SV2B: variants seen among roughly 807,000 people sequenced by gnomAD.
SV2B encodes solute carrier family 22 member B2.
Under a neutral mutation model 73.9 loss-of-function variants are expected in SV2B, and 41 were observed. That is an observed-to-expected ratio of 0.56 (90% CI 0.43 to 0.72). The LOEUF (loss-of-function observed/expected upper bound fraction) is 0.72. Ranked by LOEUF, SV2B falls within the 30% of genes least tolerant of loss-of-function variation. SV2B has a pLI of 0.00. For missense variants in SV2B, 764 were observed against 857.8 expected (o/e 0.89, Z 1.37); for synonymous variants, 314 against 314.2 (o/e 1.00, Z 0.01).
At position 91,289,013 on chromosome 15, in the gene SV2B, A is replaced by G. The variant is rs2048953974; in HGVS notation, c.1709-508A>G. Among the ~76,000 whole-genome samples the G allele has an allele frequency of 6.6e-6, 1 of 152,082 alleles. No individual in the cohort carries two copies. Among genetic ancestry groups the G allele is most frequent in the Non-Finnish European group, 1.5e-5 (1 of 68,024 alleles). ...GTATCCCATTGTGTATGTAAACCACATTTTCTTTATCCACTCATCTGTTGA... is the reference window on the plus strand; with the variant it reads ...GTATCCCATTGTGTATGTAAACCACGTTTTCTTTATCCACTCATCTGTTGA... On this transcript the variant is annotated intron_variant, in intron 11 of 12. Coordinates refer to ENST00000394232, the MANE Select transcript of SV2B (RefSeq NM_001323032.3). This position sits in a 1 kb window ranked among gnomAD's most constrained non-coding sequence, Gnocchi z 4.9.
chr15:91,101,420 A>C lies in SV2B; in HGVS notation c.-392+1057A>C, dbSNP rs145354275. Among the ~76,000 whole-genome samples the C allele has an allele frequency of 5.8e-3, 890 of 152,176 alleles. 12 individuals carry two copies. Among genetic ancestry groups the C allele is most frequent in the African/African-American group, 0.02 (843 of 41,492 alleles). On this transcript the variant is annotated intron_variant, in intron 1 of 12. Transcript: ENST00000394232. ...GTTCTGCATCTTTCTTGAGTCAGCA[A>C]ATACTTACTGAGCACTTAGTATTTG...
At chr15:91,152,558 A>G (rs1181895603) in intron 1 of SV2B, among the ~76,000 whole-genome samples, 1 of 152,234 alleles carries the variant, frequency 6.6e-6, no homozygotes, top group Admixed American at 6.5e-5. Flanking sequence ...AATCACTGCC[A>G]TAACAGGAAA....
rs1358040135 is a variant in SV2B, at chr15:91,128,518, C to T, written c.-392+28155C>T. ...TCAGAAGCGAAAGTGTTTTTCTCCTCCCCGTCTGTCTCTCAGTCCCAGTCT... is the reference window on the plus strand; with the variant it reads ...TCAGAAGCGAAAGTGTTTTTCTCCTTCCCGTCTGTCTCTCAGTCCCAGTCT... On this transcript the variant is annotated intron_variant, in intron 1 of 12. Coordinates refer to ENST00000394232, the MANE Select transcript of SV2B (RefSeq NM_001323032.3). This position sits in a 1 kb window ranked among gnomAD's most constrained non-coding sequence, Gnocchi z 4.2. Among the ~76,000 whole-genome samples, 2 of 152,196 alleles carry T rather than the reference C, an allele frequency of 1.3e-5. No individual in the cohort carries two copies. The highest frequency in any genetic ancestry group is 2.4e-5 in the African/African-American group (1 of 41,442).
At chr15:91,161,203 GT>G (rs745727303) in intron 1 of SV2B, among the ~76,000 whole-genome samples, 1 of 152,104 alleles carries the variant, frequency 6.6e-6, no homozygotes, top group Non-Finnish European at 1.5e-5. Flanking sequence ...TGATGCAAGT[GT>G]TCTAAAACTG....
chr15:91,190,796 C>T (rs534290211), intron 1 of SV2B, among the ~76,000 whole-genome samples: 11 of 152,014 alleles, frequency 7.2e-5, no homozygotes, highest in African/African-American at 2.7e-4. Flanking sequence ...TTCTTTTAGT[C>T]TTCTTTATGT....
chr15:91,192,085 T>C (rs749480438), intron 1 of SV2B, among the ~76,000 whole-genome samples: 8 of 152,226 alleles, frequency 5.3e-5, no homozygotes, highest in African/African-American at 7.2e-5. Flanking sequence ...ATATTAGTAT[T>C]GATCTTTAGT....
chr15:91,117,810 A>G (rs937562735), intron 1 of SV2B, among the ~76,000 whole-genome samples: 1 of 152,256 alleles, frequency 6.6e-6, no homozygotes, highest in Non-Finnish European at 1.5e-5. Flanking sequence ...GATTATAATC[A>G]TATTACATGG....
In SV2B at chr15:91,152,086, T is replaced by C. The variant is rs2043331864; in HGVS notation, c.-392+51723T>C. ...AATTTTTACTCTTTTTTTTTTTTTT[T>C]GCCAAAGAGTGAGCAGCAGCAAGAT... On this transcript the variant is annotated intron_variant, in intron 1 of 12. Coordinates refer to ENST00000394232, the MANE Select transcript of SV2B (RefSeq NM_001323032.3). 4.1e-5 allele frequency among the ~76,000 whole-genome samples: 6 copies of C among 146,174 alleles called. No individual in the cohort carries two copies. In the East Asian group the frequency reaches 9.6e-4, roughly 23 times the overall value.
In SV2B at chr15:91,197,898, G is replaced by A. The variant is rs142703677; in HGVS notation, c.-391-27975G>A. Among the ~76,000 whole-genome samples, 1 of 152,064 alleles carries A rather than the reference G, an allele frequency of 6.6e-6. No individual in the cohort carries two copies. Among genetic ancestry groups the A allele is most frequent in the Non-Finnish European group, 1.5e-5 (1 of 68,022 alleles). On this transcript the variant is annotated intron_variant, in intron 1 of 12. Coordinates refer to ENST00000394232, the MANE Select transcript of SV2B (RefSeq NM_001323032.3). The surrounding 1 kb of genome is among the most constrained non-coding windows in gnomAD (Gnocchi z 4.9). ...AAAATACAAAAATTAGCCAGGCATG[G>A]TGGGGGACCCGTGTAATCCCAGCTA... is the stretch of plus-strand genomic sequence containing the variant.
intron 1 of SV2B, among the ~76,000 whole-genome samples, chr15:91,178,150 C>A (rs1423251764): frequency 1.3e-5 from 2 of 151,502 alleles, no homozygotes; most frequent in African/African-American, 4.8e-5. Context: ...TTGAGATAAT[C>A]ATGTGGTTTT....
At chr15:91,175,606 T>A (rs2044275068) in intron 1 of SV2B, among the ~76,000 whole-genome samples, 1 of 152,078 alleles carries the variant, frequency 6.6e-6, no homozygotes, top group African/African-American at 2.4e-5. Context: ...TAAAATCTTA[T>A]ACCTAGAAAC....
chr15:91,281,614 T>A lies in SV2B; in HGVS notation c.1374-114T>A. On this transcript the variant is annotated intron_variant, in intron 9 of 12. Coordinates refer to ENST00000394232, the MANE Select transcript of SV2B (RefSeq NM_001323032.3). This position sits in a 1 kb window ranked among gnomAD's most constrained non-coding sequence, Gnocchi z 4.7. ...AAGTGGTCTGGGTTGAAAATAATGC[T>A]CTGGCACCTTTTGCTTGCACATCTC... is the stretch of plus-strand genomic sequence containing the variant. 1 of 1,257,322 alleles carries A rather than the reference T, an allele frequency of 8.0e-7. No individual in the cohort carries two copies. Among genetic ancestry groups the A allele is most frequent in the Admixed American group, 2.2e-5 (1 of 44,762 alleles). The allele number at this position is 1,257,322 out of a possible 1,614,324, so 77.9% of individuals were successfully genotyped here. A position where few individuals can be genotyped will look rare whatever the true frequency, so the allele number is the denominator to read the frequency against.
chr15:91,274,061 A>G (rs1178828884), intron 9 of SV2B, among the ~76,000 whole-genome samples: 2 of 152,172 alleles, frequency 1.3e-5, no homozygotes, highest in Non-Finnish European at 2.9e-5. Flanking sequence ...ACTCAATGTC[A>G]TTTAATTCAA....
chr15:91,249,177 G>T (rs1422226022), intron 2 of SV2B, among the ~76,000 whole-genome samples: 3 of 151,780 alleles, frequency 2.0e-5, no homozygotes, highest in African/African-American at 7.3e-5. Flanking sequence ...CATGAACTAT[G>T]CTCTACTCAC....
chr15:91,156,823 C>T (rs924702659), intron 1 of SV2B, among the ~76,000 whole-genome samples: 8 of 152,208 alleles, frequency 5.3e-5, no homozygotes, highest in African/African-American at 1.9e-4. Context: ...ACCCATTGTT[C>T]TCAGGCATAA....
chr15:91,209,114 G>GTTTTTTTTTTTTT lies in SV2B; in HGVS notation c.-391-16746_-391-16734dup, dbSNP rs903531189. ...AGTGACTGTGGCAGTACTGTTTTTTGTTTTTTTTTTTTTTTTTTTTTTTTT... is the reference window on the plus strand; with the variant it reads ...AGTGACTGTGGCAGTACTGTTTTTTGTTTTTTTTTTTTTTTTTTTTTTTTTTTTTTTTTTTTTT... On this transcript the variant is annotated intron_variant, in intron 1 of 12. Transcript: ENST00000394232. Among the ~76,000 whole-genome samples the GTTTTTTTTTTTTT allele has an allele frequency of 1.4e-4, 13 of 90,014 alleles. 1 individual carries two copies. Among genetic ancestry groups the GTTTTTTTTTTTTT allele is most frequent in the South Asian group, 3.4e-4 (1 of 2,910 alleles). 59.1% of individuals were successfully genotyped at this position (90,014 alleles called of 152,430 possible). A position where few individuals can be genotyped will look rare whatever the true frequency, so the allele number is the denominator to read the frequency against.
intron 1 of SV2B, among the ~76,000 whole-genome samples, chr15:91,127,029 A>G (rs1456967468): frequency 6.6e-6 from 1 of 152,248 alleles, no homozygotes; most frequent in Non-Finnish European, 1.5e-5. Context: ...GACTCAAATG[A>G]TAGCTCCATC....
chr15:91,202,303 G>A (rs1326613227), intron 1 of SV2B, among the ~76,000 whole-genome samples: 1 of 152,192 alleles, frequency 6.6e-6, no homozygotes, highest in Non-Finnish European at 1.5e-5. Flanking sequence ...GTCCACTACT[G>A]TTTCTGCAGT....
Position 91,292,377 on chromosome 15 carries a change from C to T in SV2B, c.1877C>T (p.Ala626Val), listed in dbSNP as rs1262363287. The stretch of plus-strand genomic sequence containing the variant: ...CCATTCCTCTTTTACAGAGCAACAG[C>T]CTTCGGCATTCTCAATGGATTATGC... Reference protein sequence around the residue: ...ELYPTNQRATAFGILNGLCKF... With the variant: ...ELYPTNQRATVFGILNGLCKF... The change falls in exon 13 of 13, where the codon GCC becomes GTC. Residue 626 changes from alanine (A) to valine (V), a missense_variant. Transcript: ENST00000394232. 3 of 1,613,726 alleles carry T rather than the reference C, an allele frequency of 1.9e-6. No homozygotes were observed. Among genetic ancestry groups the T allele is most frequent in the Non-Finnish European group, 2.5e-6 (3 of 1,179,884 alleles).
Sources: allele counts gnomAD v4.1 joint callset (sites outside exome capture counted in the v4.1 genomes callset), GRCh38; gene constraint gnomAD v4.1.1; non-coding constraint Gnocchi (gnomAD v3.1); transcripts MANE v1.5; gene names NCBI Gene and HGNC (gene_info 2026-07-23, HGNC 2026-07-21).